Variants in TANGO2 observed in about 807,000 individuals in gnomAD.
TANGO2 encodes transport and Golgi organization protein 2 homolog.
TANGO2 carries 26 observed loss-of-function variants against 39.1 expected under a neutral mutation model. The observed-to-expected ratio is 0.67, with a 90% confidence interval of 0.49 to 0.92. The LOEUF is 0.92. Among genes scored for constraint, TANGO2 ranks in the 40% least tolerant of loss-of-function variants. The pLI, the probability that TANGO2 is intolerant of heterozygous loss-of-function variation, is 0.00. For synonymous variants in TANGO2, 131 were observed against 144.5 expected (o/e 0.91, Z 0.67); for missense variants, 326 against 360.1 (o/e 0.91, Z 0.77).
intron 2 of TANGO2, chr22:20,037,076 C>A: frequency 6.5e-7 from 1 of 1,530,578 alleles, no homozygotes; most frequent in Non-Finnish European, 8.8e-7. Flanking sequence ...GAAGACTCAG[C>A]CACAGAAGGC....
chr22:20,027,054 C>A (rs1300746309), intron 1 of TANGO2, among the ~76,000 whole-genome samples: 3 of 152,190 alleles, frequency 2.0e-5, no homozygotes, highest in Non-Finnish European at 4.4e-5. Context: ...ATTTGCTCAG[C>A]TTCTGGGGAG....
At chr22:20,056,907 C>G in intron 6 of TANGO2, 1 of 456,684 alleles carries the variant, frequency 2.2e-6, no homozygotes, top group Non-Finnish European at 4.4e-6. Flanking sequence ...TCTACTCAAG[C>G]TGCTGGCTCA....
chr22:20,036,560 C>G (rs889835205), intron 1 of TANGO2, among the ~76,000 whole-genome samples, 200 bp from the exon 2 acceptor site: 1 of 152,192 alleles, frequency 6.6e-6, no homozygotes, highest in Non-Finnish European at 1.5e-5. Context: ...GAGAGACAGT[C>G]TGGCCAGTGC....
At chr22:20,033,498 C>G (rs969020453) in intron 1 of TANGO2, among the ~76,000 whole-genome samples, 1 of 152,342 alleles carries the variant, frequency 6.6e-6, no homozygotes, top group African/African-American at 2.4e-5. Context: ...GCGTGCAGCC[C>G]AGGGAGGGCT....
chr22:20,062,448 C>T (rs1430719553), intron 7 of TANGO2, among the ~76,000 whole-genome samples: 1 of 152,200 alleles, frequency 6.6e-6, no homozygotes, highest in East Asian at 1.9e-4. Flanking sequence ...CCCTGGGGCC[C>T]CTTTCTGCCC....
intron 3 of TANGO2, among the ~76,000 whole-genome samples, chr22:20,049,463 C>T (rs2045869012): frequency 6.6e-6 from 1 of 151,968 alleles, no homozygotes; most frequent in Non-Finnish European, 1.5e-5. Context: ...GAGTTCAAGA[C>T]CAGCCTGACC....
intron 1 of TANGO2, among the ~76,000 whole-genome samples, chr22:20,027,466 A>G (rs1471416544): frequency 6.6e-6 from 1 of 152,182 alleles, no homozygotes; most frequent in Non-Finnish European, 1.5e-5. Context: ...TCTGGTGGAG[A>G]CAGACCTCAT....
intron 1 of TANGO2, among the ~76,000 whole-genome samples, chr22:20,028,239 G>T (rs1384560985): frequency 6.6e-6 from 1 of 152,174 alleles, no homozygotes; most frequent in African/African-American, 2.4e-5. Context: ...AGCCTCCCAA[G>T]TAGTTGGGAC....
intron 7 of TANGO2, chr22:20,063,027 C>CTA (rs1568923750): frequency 3.1e-6 from 1 of 321,212 alleles, no homozygotes; most frequent in Admixed American, 4.8e-5. Context: ...AGCCCCGATG[C>CTA]TAGCTACAAT....
At position 20,036,721 on chromosome 22, in the gene TANGO2, C is replaced by T. The variant is rs2042913160; in HGVS notation, c.-39-39C>T. On this transcript the variant is annotated intron_variant, in intron 1 of 8. Transcript: ENST00000327374. ...AGGTTCGGAGGGCAGCCCTGAGTGTCTGCCATCCGCTCAACTCAGTGTTTT... is the reference window on the plus strand; with the variant it reads ...AGGTTCGGAGGGCAGCCCTGAGTGTTTGCCATCCGCTCAACTCAGTGTTTT... 1.9e-6 allele frequency: 3 copies of T among 1,577,718 alleles called. No homozygotes were observed. The South Asian group carries it at 3.3e-5, about 17-fold the overall frequency.
At chr22:20,054,053 G>T (rs1171178973) in intron 5 of TANGO2, 1 of 292,202 alleles carries the variant, frequency 3.4e-6, no homozygotes, top group African/African-American at 2.3e-5. Flanking sequence ...TTAGTCCGGG[G>T]CCTTCTGCCA....
intron 3 of TANGO2, 74 bp downstream of exon 3, chr22:20,043,517 T>C: frequency 9.6e-7 from 1 of 1,040,244 alleles, no homozygotes; most frequent in Non-Finnish European, 1.5e-6. Flanking sequence ...CGAGTGACCC[T>C]AACTGAGTGG....
intron 1 of TANGO2, among the ~76,000 whole-genome samples, chr22:20,025,698 C>T (rs572667754): frequency 1.4e-4 from 22 of 152,330 alleles, no homozygotes; most frequent in African/African-American, 4.8e-4. Flanking sequence ...GCCTCATCAC[C>T]ATGGAAAGGC....
At chr22:20,036,636 C>T (rs2042901581) in intron 1 of TANGO2, 124 bp from the exon 2 acceptor site, 1 of 813,420 alleles carries the variant, frequency 1.2e-6, no homozygotes, top group Non-Finnish European at 2.0e-6. Flanking sequence ...TCCAGTTCCC[C>T]CACACCCAGC....
chr22:20,036,903 C>T, intron 2 of TANGO2, 49 bp downstream of exon 2: 1 of 1,614,200 alleles, frequency 6.2e-7, no homozygotes, highest in Non-Finnish European at 8.5e-7. Context: ...TCCTGGGTGC[C>T]CAGCCAGTTC....
chr22:20,052,610 G>A (rs1422808417), intron 4 of TANGO2, 26 bp downstream of exon 4: 4 of 1,544,302 alleles, frequency 2.6e-6, no homozygotes, highest in Non-Finnish European at 3.5e-6. Context: ...TGGGGCCAAG[G>A]TGAGACAGGG....
In TANGO2 at chr22:20,061,686, G is replaced by A; in HGVS notation, c.605+3G>A. 6.5e-7 allele frequency: 1 copy of A among 1,546,016 alleles called. No homozygotes were observed. Among genetic ancestry groups the A allele is most frequent in the Non-Finnish European group, 8.7e-7 (1 of 1,144,092 alleles). ...GATGTGCTCAACAATGAAGAGGCGT[G>A]AGTGGGCGGGTCCTGCTGGGGTGAG... is the stretch of plus-strand genomic sequence containing the variant. On this transcript the variant is annotated splice_donor_region_variant and intron_variant, in intron 7 of 8. Transcript: ENST00000327374.
chr22:20,022,482 A>G (rs2039906260), intron 1 of TANGO2, among the ~76,000 whole-genome samples: 1 of 152,158 alleles, frequency 6.6e-6, no homozygotes, highest in African/African-American at 2.4e-5. Flanking sequence ...ATGTCCTCAG[A>G]CTGCAGGCCC....
At position 20,036,816 on chromosome 22, in the gene TANGO2, TA is replaced by T; in HGVS notation, c.20del (p.Lys7SerfsTer30). MCIIFF[K>X]FDPRPVSKNA... Reference sequence around the variant, plus strand: ...GCACCACCATGTGCATCATCTTCTTTAAGTTTGATCCTCGCCCTGTTTCCAA... The same window carrying T: ...GCACCACCATGTGCATCATCTTCTTTAGTTTGATCCTCGCCCTGTTTCCAA... On this transcript the variant is annotated frameshift_variant, in exon 2 of 9. Coordinates refer to ENST00000327374, the MANE Select transcript of TANGO2 (RefSeq NM_152906.7). LOFTEE classifies it high-confidence loss of function. 1 of 1,614,242 alleles carries T rather than the reference TA, an allele frequency of 6.2e-7. No individual in the cohort carries two copies. Among genetic ancestry groups the T allele is most frequent in the Non-Finnish European group, 8.5e-7 (1 of 1,180,050 alleles).
Sources: allele counts gnomAD v4.1 joint callset (sites outside exome capture counted in the v4.1 genomes callset), GRCh38; gene constraint gnomAD v4.1.1; transcripts MANE v1.5; gene names NCBI Gene and HGNC (gene_info 2026-07-23, HGNC 2026-07-21).